Variants in AFAP1 observed in about 807,000 individuals in gnomAD.
The protein encoded by AFAP1 is actin filament associated protein 1, also known as actin filament-associated protein 1.
Under a neutral mutation model 93.9 loss-of-function variants are expected in AFAP1, and 75 were observed. The ratio of observed to expected loss-of-function variants is 0.80; its 90% CI spans 0.66 to 0.97. The LOEUF is 0.97. Ranked by LOEUF, AFAP1 falls within the 50% of genes least tolerant of loss-of-function variation. The pLI, the probability that AFAP1 is intolerant of heterozygous loss-of-function variation, is 0.00. For synonymous variants in AFAP1, 517 were observed against 430.7 expected, an observed-to-expected ratio of 1.20 and a Z score of -2.48; for missense variants, 1,201 against 1,050.8, an observed-to-expected ratio of 1.14 and a Z score of -1.98.
At chr4:7,806,637 G>A (rs548938482) in intron 9 of AFAP1, among the ~76,000 whole-genome samples, 101 of 152,206 alleles carry the variant, frequency 6.6e-4, no homozygotes, top group African/African-American at 2.4e-3. Flanking sequence ...CTTTGCAGCT[G>A]TACTAAAATA....
At chr4:7,812,920 G>T (rs1720175902) in intron 8 of AFAP1, among the ~76,000 whole-genome samples, 2 of 152,134 alleles carry the variant, frequency 1.3e-5, no homozygotes, top group Admixed American at 6.5e-5. Context: ...GTGAAGTGGG[G>T]CTGAGGAGCC....
At position 7,760,187 on chromosome 4, in the gene AFAP1, G is replaced by A. The variant is rs1227688816; in HGVS notation, c.*3578C>T. ...CCTGGGGGTGGCCTCCAGAGCTGAG[G>A]CCACACTTTTTGAAACAGACTTTTC... is the stretch of plus-strand genomic sequence containing the variant. On this transcript the variant is annotated 3_prime_UTR_variant, in exon 18 of 18. Coordinates refer to ENST00000420658, the MANE Select transcript of AFAP1 (RefSeq NM_001134647.2). The A allele has an allele frequency of 6.6e-6, 1 of 152,198 alleles. No individual in the cohort carries two copies. The highest frequency in any genetic ancestry group is 2.4e-5 in the African/African-American group (1 of 41,440). The allele number at this position is 152,198 out of a possible 1,614,324, so 9.4% of individuals were successfully genotyped here.
At chr4:7,858,022 G>C (rs1715270263) in intron 3 of AFAP1, among the ~76,000 whole-genome samples, 1 of 152,158 alleles carries the variant, frequency 6.6e-6, no homozygotes, top group Non-Finnish European at 1.5e-5. Context: ...ATAAAAGTTT[G>C]TTTAGTAAAA....
intron 6 of AFAP1, among the ~76,000 whole-genome samples, chr4:7,822,687 C>T (rs1200350559): frequency 6.7e-6 from 1 of 150,212 alleles, no homozygotes; most frequent in Admixed American, 6.6e-5. Context: ...TGGGTTCATG[C>T]CATTCTCCTG....
intron 16 of AFAP1, among the ~76,000 whole-genome samples, chr4:7,769,236 T>C (rs11933506): frequency 0.39 from 59,264 of 151,986 alleles, 13,554 homozygotes; most frequent in Non-Finnish European, 0.53. Context: ...CTCCAAGGGG[T>C]GCTCTGACTC....
chr4:7,901,723 G>A (rs1023266290), intron 1 of AFAP1, among the ~76,000 whole-genome samples: 1 of 152,232 alleles, frequency 6.6e-6, no homozygotes, highest in African/African-American at 2.4e-5. Flanking sequence ...TGGACAGGGG[G>A]CTGAACTGGA....
intron 1 of AFAP1, among the ~76,000 whole-genome samples, chr4:7,902,202 G>T (rs1306059271): frequency 6.6e-6 from 1 of 152,170 alleles, no homozygotes; most frequent in African/African-American, 2.4e-5. Context: ...ATAATAATCA[G>T]TTCTCAGCGG....
chr4:7,861,717 C>T lies in AFAP1; in HGVS notation c.226-6143G>A, dbSNP rs1157758561. ...GATAGAGTGGAATCCAGCCATAAAGCGAATTGAAAACAAAGATGCCACTGG... is the reference window on the plus strand; with the variant it reads ...GATAGAGTGGAATCCAGCCATAAAGTGAATTGAAAACAAAGATGCCACTGG... On this transcript the variant is annotated intron_variant, in intron 3 of 17. Transcript: ENST00000420658. 3.9e-5 allele frequency among the ~76,000 whole-genome samples: 6 copies of T among 152,150 alleles called. No homozygotes were observed. In the East Asian group the frequency reaches 5.8e-4, roughly 15 times the overall value.
At chr4:7,898,605 T>C (rs1718924032) in intron 1 of AFAP1, among the ~76,000 whole-genome samples, 1 of 149,346 alleles carries the variant, frequency 6.7e-6, no homozygotes, top group Admixed American at 6.7e-5. Flanking sequence ...TTTTGCAACT[T>C]CTCCATAAGT....
Position 7,781,336 on chromosome 4 carries a change from T to C in AFAP1, c.1782+40A>G, listed in dbSNP as rs768330916. 8.4e-6 allele frequency: 13 copies of C among 1,544,322 alleles called. No individual in the cohort carries two copies. In the African/African-American group the frequency reaches 1.5e-4, roughly 18 times the overall value. ...AAAACTCTGTTGGAGCAATGTGACT[T>C]GAAGGTGGTTCTAGAATCTTACAGA... is the stretch of plus-strand genomic sequence containing the variant. On this transcript the variant is annotated intron_variant, in intron 13 of 17. Transcript: ENST00000420658.
intron 1 of AFAP1, among the ~76,000 whole-genome samples, chr4:7,874,343 A>G (rs1428973434): frequency 2.1e-5 from 3 of 145,606 alleles, no homozygotes; most frequent in Admixed American, 7.0e-5. Context: ...GTGGGAGGTC[A>G]GATTGCCTTT....
Position 7,793,760 on chromosome 4 carries a change from C to A in AFAP1, c.1333G>T (p.Asp445Tyr). 5 of 1,577,264 alleles carry A rather than the reference C, an allele frequency of 3.2e-6. No homozygotes were observed. In the East Asian group the frequency reaches 9.1e-5, roughly 29 times the overall value. Residue 445 changes from aspartate (D) to tyrosine (Y), a missense_variant, in exon 11 of 18, where the codon GAC becomes TAC. Asp to Tyr is a radical substitution (Grantham distance 160). Coordinates refer to ENST00000420658, the MANE Select transcript of AFAP1 (RefSeq NM_001134647.2). ...TAGTCATAGTGCAGAGCCTCCGGGT[C>A]TGTGGACGATCCCGTCTCTGCGAGT... ...ILLAETGSST[D>Y]PEALHYDYID...
chr4:7,888,738 A>G (rs1718269346), intron 1 of AFAP1, among the ~76,000 whole-genome samples: 1 of 152,164 alleles, frequency 6.6e-6, no homozygotes, highest in Admixed American at 6.5e-5. Context: ...GGAACCAAAA[A>G]CAGACTAACA....
At chr4:7,828,382 T>C (rs1450948884) in intron 6 of AFAP1, among the ~76,000 whole-genome samples, 2 of 152,218 alleles carry the variant, frequency 1.3e-5, no homozygotes, top group Non-Finnish European at 1.5e-5. Flanking sequence ...TTGGTTTATT[T>C]TGAAATTCGA....
intron 1 of AFAP1, among the ~76,000 whole-genome samples, chr4:7,920,363 G>A (rs116373108): frequency 2.0e-5 from 3 of 152,158 alleles, no homozygotes; most frequent in African/African-American, 7.2e-5. Context: ...ACTCTATCTG[G>A]AAAGTTTAAC....
chr4:7,872,489 T>A (rs1277812865), intron 1 of AFAP1, among the ~76,000 whole-genome samples: 2 of 152,234 alleles, frequency 1.3e-5, no homozygotes, highest in South Asian at 4.1e-4. Flanking sequence ...AACACCCAGC[T>A]CTCTGCTTTT....
At chr4:7,822,024 G>C (rs1047761052) in intron 6 of AFAP1, among the ~76,000 whole-genome samples, 1 of 151,754 alleles carries the variant, frequency 6.6e-6, no homozygotes, top group Non-Finnish European at 1.5e-5. Context: ...GATCTCTCTT[G>C]TTTCTCTCGC....
At chr4:7,898,249 A>C (rs1229462533) in intron 1 of AFAP1, among the ~76,000 whole-genome samples, 1 of 152,116 alleles carries the variant, frequency 6.6e-6, no homozygotes, top group Non-Finnish European at 1.5e-5. Flanking sequence ...TCTAATAAAA[A>C]TACAAAAAAT....
intron 4 of AFAP1, among the ~76,000 whole-genome samples, chr4:7,854,212 T>A (rs1483050317): frequency 1.3e-5 from 2 of 152,248 alleles, no homozygotes; most frequent in Non-Finnish European, 2.9e-5. Flanking sequence ...TAATCTACTG[T>A]CTTCTTAAAG....
Sources: gnomAD v4.1 joint callset for allele counts (sites outside exome capture counted in the v4.1 genomes callset) on GRCh38, gnomAD v4.1.1 for gene constraint, MANE v1.5 for transcripts, NCBI Gene and HGNC (gene_info 2026-07-23, HGNC 2026-07-21) for gene names.